EPHA10: variants seen among roughly 807,000 people sequenced by gnomAD.
EPHA10 encodes ephrin type-A receptor 10.
Under a neutral mutation model 109.7 loss-of-function variants are expected in EPHA10, and 120 were observed. The observed-to-expected ratio is 1.09, with a 90% CI of 0.94 to 1.27. The LOEUF (loss-of-function observed/expected upper bound fraction) is 1.27. Among genes scored for constraint, EPHA10 ranks in the 50% most tolerant of loss-of-function variants. The pLI, the probability that EPHA10 is intolerant of heterozygous loss-of-function variation, is 0.00. For missense variants in EPHA10, 1,396 were observed against 1,411.1 expected (o/e 0.99, Z 0.17); for synonymous variants, 640 against 618.9 (o/e 1.03, Z -0.51).
intron 5 of EPHA10, among the ~76,000 whole-genome samples, chr1:37,745,760 G>T (rs1569730547): frequency 6.6e-6 from 1 of 152,208 alleles, no homozygotes; most frequent in South Asian, 2.1e-4. Flanking sequence ...TGAGGCTTGA[G>T]AATTGCTTGA....
chr1:37,721,805 G>C lies in EPHA10; in HGVS notation c.2001C>G (p.Pro667=), dbSNP rs529366748. The stretch of plus-strand genomic sequence containing the variant: ...CGGCTACGAGCAGCTCCTGGCGACC[G>C]GGGAGCTGCAAGCAGCCACAGCACA... ...GELCCGCLQL[P]GRQELLVAVH... Residue 667 remains proline (P), a synonymous_variant, in exon 11 of 17, where the codon CCC becomes CCG. Coordinates refer to ENST00000373048, the MANE Select transcript of EPHA10 (RefSeq NM_001099439.2). 1 of 1,608,072 alleles carries C rather than the reference G, an allele frequency of 6.2e-7. No homozygotes were observed. The highest frequency in any genetic ancestry group is 8.5e-7 in the Non-Finnish European group (1 of 1,177,440).
intron 5 of EPHA10, among the ~76,000 whole-genome samples, chr1:37,751,489 A>G (rs1290255127): frequency 6.6e-6 from 1 of 150,854 alleles, no homozygotes; most frequent in African/African-American, 2.4e-5. Context: ...GAATCACTTG[A>G]ACCCAGGAGG....
chr1:37,752,784 TG>T, intron 5 of EPHA10, 91 bp downstream of exon 5: 2 of 652,324 alleles, frequency 3.1e-6, no homozygotes, highest in Non-Finnish European at 3.5e-6. Flanking sequence ...GGTGGGTGGG[TG>T]GGGCTCCCGC....
intron 10 of EPHA10, 57 bp downstream of exon 10, chr1:37,722,984 C>A (rs1280399301): frequency 6.2e-7 from 1 of 1,612,832 alleles, no homozygotes; most frequent in Non-Finnish European, 8.5e-7. Context: ...GGGGCGGGGC[C>A]TATAGAGTGG....
At chr1:37,751,214 A>AAAAG (rs938066612) in intron 5 of EPHA10, among the ~76,000 whole-genome samples, 9 of 122,528 alleles carry the variant, frequency 7.3e-5, no homozygotes, top group African/African-American at 2.2e-4. Flanking sequence ...AAAAAAAAAA[A>AAAAG]AAAGAAAGAA....
At chr1:37,720,217 G>A in intron 13 of EPHA10, 134 bp downstream of exon 13, 1 of 1,388,176 alleles carries the variant, frequency 7.2e-7, no homozygotes. Context: ...CTCAAGGTGG[G>A]GTTCACTCGC....
chr1:37,733,267 G>C (rs937426449), intron 6 of EPHA10, among the ~76,000 whole-genome samples: 1 of 151,916 alleles, frequency 6.6e-6, no homozygotes, highest in Non-Finnish European at 1.5e-5. Context: ...TGTTGCCCAG[G>C]CTGGAGTGCA....
At chr1:37,729,550 C>T (rs558785460) in intron 7 of EPHA10, among the ~76,000 whole-genome samples, 1 of 152,022 alleles carries the variant, frequency 6.6e-6, no homozygotes, top group East Asian at 1.9e-4. Flanking sequence ...TAGCAAGATT[C>T]CATCGCTCTT....
Position 37,716,986 on chromosome 1 carries a change from G to T in EPHA10, c.*1386C>A, listed in dbSNP as rs1028255918. On this transcript the variant is annotated 3_prime_UTR_variant, in exon 17 of 17. Coordinates refer to ENST00000373048, the MANE Select transcript of EPHA10 (RefSeq NM_001099439.2). Reference sequence around the variant, plus strand: ...TCTGAGCCCCCCAAGGGCAGGCTGTGTGTCTTTTTCATCTTTACCTCTTGT... The same window carrying T: ...TCTGAGCCCCCCAAGGGCAGGCTGTTTGTCTTTTTCATCTTTACCTCTTGT... The T allele has an allele frequency of 3.4e-5, 8 of 232,790 alleles. No individual in the cohort carries two copies. The highest frequency in any genetic ancestry group is 1.8e-4 in the African/African-American group (8 of 45,290). 14.4% of individuals were successfully genotyped at this position (232,790 alleles called of 1,614,324 possible). A position where few individuals can be genotyped will look rare whatever the true frequency, so the allele number is the denominator to read the frequency against.
chr1:37,754,191 G>A lies in EPHA10; in HGVS notation c.1006+24C>T. 1 of 1,277,976 alleles carries A rather than the reference G, an allele frequency of 7.8e-7. No individual in the cohort carries two copies. The highest frequency in any genetic ancestry group is 1.0e-6 in the Non-Finnish European group (1 of 1,004,912). The allele number at this position is 1,277,976 out of a possible 1,614,324, so 79.2% of individuals were successfully genotyped here. A position where few individuals can be genotyped will look rare whatever the true frequency, so the allele number is the denominator to read the frequency against. On this transcript the variant is annotated intron_variant, in intron 4 of 16. Transcript: ENST00000373048. This position sits in a 1 kb window ranked among gnomAD's most constrained non-coding sequence, Gnocchi z 4.5. Reference sequence around the variant, plus strand: ...CCACTCCCACCCCCCACCCTCCGCAGTGCAGCCTGGAGGGGGGACTCACGG... The same window carrying A: ...CCACTCCCACCCCCCACCCTCCGCAATGCAGCCTGGAGGGGGGACTCACGG...
At chr1:37,720,628 C>T in intron 12 of EPHA10, 74 bp from the exon 13 acceptor site, 1 of 1,545,094 alleles carries the variant, frequency 6.5e-7, no homozygotes. Context: ...AGGGCGGTCA[C>T]CTAGCTCTCG....
At position 37,765,043 on chromosome 1, in the gene EPHA10, G is replaced by C. The variant is rs555036470; in HGVS notation, c.24C>G (p.His8Gln). The change falls in exon 1 of 17, where the codon CAC (histidine) becomes CAG (glutamine). Residue 8 changes from histidine (H) to glutamine (Q), a missense_variant. His to Gln is a conservative substitution (Grantham distance 24, BLOSUM62 0). Transcript: ENST00000373048. ...TCCGGCAGAGGAAGAGGCGCAGCGGGTGTGGACCGGCGCAGGTCTCCATGG... is the reference window on the plus strand; with the variant it reads ...TCCGGCAGAGGAAGAGGCGCAGCGGCTGTGGACCGGCGCAGGTCTCCATGG... METCAGP[H>Q]PLRLFLCRMQ... The C allele has an allele frequency of 4.4e-6, 7 of 1,606,718 alleles. No individual in the cohort carries two copies. In the African/African-American group the frequency reaches 6.7e-5, roughly 15 times the overall value.
In EPHA10 at chr1:37,723,134, G is replaced by T. The variant is rs1055735572; in HGVS notation, c.1867C>A (p.Pro623Thr). 16 of 1,613,976 alleles carry T rather than the reference G, an allele frequency of 9.9e-6. No homozygotes were observed. Among genetic ancestry groups the T allele is most frequent in the Admixed American group, 1.7e-5 (1 of 59,988 alleles). ...TGCAGCAGGTCCCCACAGCTCTGGG[G>T]GTCCAGGAATGTGCGACGTGTTGGG... ...KVPTRRTFLD[P>T]QSCGDLLQAV... Residue 623 changes from proline to threonine, a missense_variant, in exon 10 of 17, where the codon CCC (proline) becomes ACC (threonine). By Grantham distance (38) the Pro-to-Thr change is conservative. Transcript: ENST00000373048.
At chr1:37,728,212 C>T (rs1191267767) in intron 7 of EPHA10, among the ~76,000 whole-genome samples, 1 of 152,034 alleles carries the variant, frequency 6.6e-6, no homozygotes, top group Admixed American at 6.6e-5. Flanking sequence ...TGCATGAAGG[C>T]GGAGAGTGGC....
At chr1:37,758,507 C>T (rs949200460) in intron 3 of EPHA10, among the ~76,000 whole-genome samples, 1 of 152,208 alleles carries the variant, frequency 6.6e-6, no homozygotes, top group African/African-American at 2.4e-5. Context: ...CAACTGGGCA[C>T]TTTCTAACCC....
intron 3 of EPHA10, 128 bp downstream of exon 3, chr1:37,761,277 C>T (rs942926245): frequency 2.0e-6 from 3 of 1,519,912 alleles, no homozygotes; most frequent in Non-Finnish European, 1.8e-6. Flanking sequence ...TCTCCTTGGG[C>T]TCCAGAGTCC....
In EPHA10 at chr1:37,717,374, T is replaced by A. The variant is rs905391655; in HGVS notation, c.*998A>T. 3.9e-5 allele frequency: 9 copies of A among 232,404 alleles called. No individual in the cohort carries two copies. The highest frequency in any genetic ancestry group is 2.0e-4 in the African/African-American group (9 of 45,260). 14.4% of individuals were successfully genotyped at this position (232,404 alleles called of 1,614,324 possible). A position where few individuals can be genotyped will look rare whatever the true frequency, so the allele number is the denominator to read the frequency against. Reference sequence around the variant, plus strand: ...GGTGCCATAGGGCAGGACCAAGGACTCTCTCCCCAGAGCCAGCCTTACCCC... The same window carrying A: ...GGTGCCATAGGGCAGGACCAAGGACACTCTCCCCAGAGCCAGCCTTACCCC... On this transcript the variant is annotated 3_prime_UTR_variant, in exon 17 of 17. Coordinates refer to ENST00000373048, the MANE Select transcript of EPHA10 (RefSeq NM_001099439.2).
Position 37,723,130 on chromosome 1 carries a change from T to C in EPHA10, c.1871A>G (p.Gln624Arg). Residue 624 changes from glutamine (Q) to arginine (R), a missense_variant, in exon 10 of 17, where the codon CAG becomes CGG. Transcript: ENST00000373048. ...VPTRRTFLDPQSCGDLLQAVH... is the reference protein window; with the variant it reads ...VPTRRTFLDPRSCGDLLQAVH... Reference sequence around the variant, plus strand: ...AGCCTGCAGCAGGTCCCCACAGCTCTGGGGGTCCAGGAATGTGCGACGTGT... The same window carrying C: ...AGCCTGCAGCAGGTCCCCACAGCTCCGGGGGTCCAGGAATGTGCGACGTGT... 6.2e-7 allele frequency: 1 copy of C among 1,614,130 alleles called. No individual in the cohort carries two copies. The highest frequency in any genetic ancestry group is 1.1e-5 in the South Asian group (1 of 91,080).
rs1469602008 is a variant in EPHA10, at chr1:37,752,987, G to A, written c.1246C>T (p.Arg416Trp). 1 of 1,231,940 alleles carries A rather than the reference G, an allele frequency of 8.1e-7. No homozygotes were observed. Among genetic ancestry groups the A allele is most frequent in the South Asian group, 3.1e-5 (1 of 32,438 alleles). 76.3% of individuals were successfully genotyped at this position (1,231,940 alleles called of 1,614,324 possible). A position where few individuals can be genotyped will look rare whatever the true frequency, so the allele number is the denominator to read the frequency against. ...RERAATLLHL[R>W]PGARYTVRVA... ...CGCACGGTGTAGCGCGCGCCGGGCC[G>A]CAGGTGCAGCAGCGTGGCGGCTCGC... The change falls in exon 5 of 17, where the codon CGG becomes TGG. Residue 416 changes from arginine to tryptophan, a missense_variant. Coordinates refer to ENST00000373048, the MANE Select transcript of EPHA10 (RefSeq NM_001099439.2).
Sources: allele counts gnomAD v4.1 joint callset (sites outside exome capture counted in the v4.1 genomes callset), GRCh38; gene constraint gnomAD v4.1.1; non-coding constraint Gnocchi (gnomAD v3.1); transcripts MANE v1.5; gene names NCBI Gene and HGNC (gene_info 2026-07-23, HGNC 2026-07-21).